The following ZNF208 variants were observed in gnomAD, a reference collection of about 807,000 sequenced individuals.
ZNF208 encodes the protein zinc finger protein 208.
Under a neutral mutation model 12.1 loss-of-function variants are expected in ZNF208, and 10 were observed. The observed-to-expected ratio is 0.83, with a 90% CI of 0.51 to 1.40. The LOEUF is 1.40. Ranked by LOEUF, ZNF208 falls within the 40% of genes most tolerant of loss-of-function variation. The pLI is 0.00. For missense variants in ZNF208, 1,652 were observed against 1,485.0 expected (o/e 1.11, Z -1.85); for synonymous variants, 497 against 488.4 (o/e 1.02, Z -0.23).
At chr19:21,939,941 G>A (rs1391211248) in intron 4 of ZNF208, 1 of 152,150 alleles carries the variant, frequency 6.6e-6, no homozygotes, top group Non-Finnish European at 1.5e-5. Context: ...TAAACTATTG[G>A]TTCTACCTAG....
intron 3 of ZNF208, among the ~76,000 whole-genome samples, chr19:21,978,793 G>T (rs1216907909): frequency 1.3e-5 from 2 of 152,050 alleles, no homozygotes. Context: ...CAAACTAAAG[G>T]AGCATGTTCT....
intron 3 of ZNF208, among the ~76,000 whole-genome samples, chr19:21,978,822 T>G (rs1390505142): frequency 6.6e-6 from 1 of 152,148 alleles, no homozygotes; most frequent in Non-Finnish European, 1.5e-5. Context: ...GCCAGGAAGC[T>G]AAGAACCTTG....
intron 3 of ZNF208, among the ~76,000 whole-genome samples, chr19:21,978,961 C>T (rs369278964): frequency 2.0e-5 from 3 of 151,716 alleles, no homozygotes; most frequent in South Asian, 2.1e-4. Context: ...ATCGATAAAG[C>T]GGAAGAAAGG....
chr19:21,958,146 T>G (rs996593762), intron 4 of ZNF208, among the ~76,000 whole-genome samples: 1 of 150,622 alleles, frequency 6.6e-6, no homozygotes, highest in Non-Finnish European at 1.5e-5. Context: ...ATCCATGTCC[T>G]TAAAGAAGGA....
At chr19:21,993,242 G>A (rs1970773188) in intron 1 of ZNF208, among the ~76,000 whole-genome samples, 1 of 152,082 alleles carries the variant, frequency 6.6e-6, no homozygotes, top group Admixed American at 6.6e-5. Context: ...CCACAGTAAT[G>A]GAAATATGGG....
At chr19:21,995,139 A>G (rs1970810758) in intron 1 of ZNF208, among the ~76,000 whole-genome samples, 1 of 151,884 alleles carries the variant, frequency 6.6e-6, no homozygotes, top group South Asian at 2.1e-4. Flanking sequence ...TTTAGTAGAG[A>G]TGGGATTTCA....
At chr19:21,954,639 C>T (rs905709793) in intron 4 of ZNF208, among the ~76,000 whole-genome samples, 4 of 151,826 alleles carry the variant, frequency 2.6e-5, no homozygotes, top group East Asian at 1.9e-4. Context: ...CTGTTTTATC[C>T]GAGACTAGGA....
chr19:21,966,001 GA>G (rs973391849), downstream of ZNF208: 53 of 151,998 alleles, frequency 3.5e-4, no homozygotes, highest in Non-Finnish European at 1.3e-4. Context: ...ACCTGGTATA[GA>G]AACATTCACC....
At chr19:22,010,037 T>G (rs562098452) in intron 1 of ZNF208, among the ~76,000 whole-genome samples, 1 of 151,924 alleles carries the variant, frequency 6.6e-6, no homozygotes, top group Admixed American at 6.6e-5. Context: ...TACAAAAAAG[T>G]AACCGAGCGT....
chr19:21,974,907 G>T, intron 3 of ZNF208, 100 bp from the exon 4 acceptor site: 1 of 1,349,352 alleles, frequency 7.4e-7, no homozygotes, highest in Middle Eastern at 2.0e-4. Context: ...ACATAAGCAA[G>T]ATGACACTGC....
In ZNF208 at chr19:21,973,650, A is replaced by C. The variant is rs1970357512; in HGVS notation, c.1384T>G (p.Phe462Val). 1 of 1,575,460 alleles carries C rather than the reference A, an allele frequency of 6.3e-7. No homozygotes were observed. The highest frequency in any genetic ancestry group is 1.1e-5 in the South Asian group (1 of 90,614). The part of the protein sequence containing the change: ...PYKCEECGKG[F>V]SMFSILTKHK... ...TTAGTAAGGATTGAGAACATACTAAAGCCTTTGCCACATTCTTCACATTTG... is the reference window on the plus strand; with the variant it reads ...TTAGTAAGGATTGAGAACATACTAACGCCTTTGCCACATTCTTCACATTTG... The change falls in exon 4 of 4, where the codon TTT (phenylalanine) becomes GTT (valine). Residue 462 changes from phenylalanine (F) to valine (V), a missense_variant. By Grantham distance (50) the Phe-to-Val change is conservative (BLOSUM62 -1). Transcript: ENST00000397126.
chr19:21,957,608 C>G (rs374692085), intron 4 of ZNF208, among the ~76,000 whole-genome samples: 1 of 152,126 alleles, frequency 6.6e-6, no homozygotes, highest in Non-Finnish European at 1.5e-5. Context: ...TTAACCAACT[C>G]ACAGGTATTT....
At chr19:21,952,983 T>C (rs1969915975) in intron 4 of ZNF208, among the ~76,000 whole-genome samples, 1 of 152,170 alleles carries the variant, frequency 6.6e-6, no homozygotes, top group African/African-American at 2.4e-5. Flanking sequence ...AATGACCTGA[T>C]GGAGCTGAAA....
rs147587683 is a variant in ZNF208 at position 21,971,982 on chromosome 19, C to G, written c.3052G>C (p.Glu1018Gln). The G allele has an allele frequency of 4.6e-4, 733 of 1,609,506 alleles. 11 individuals are homozygous for G. The East Asian group carries it at 0.014, about 31-fold the overall frequency. The change falls in exon 4 of 4, where the codon GAA becomes CAA. Residue 1018 changes from glutamate (E) to glutamine (Q), a missense_variant. Coordinates refer to ENST00000397126, the MANE Select transcript of ZNF208 (RefSeq NM_007153.3). ...TCTCCAGTGTGAATTTTCTTATGTT[C>G]CATAAGGTTTGATGACCAGTTGAAA... The part of the protein sequence containing the change: ...KAFNWSSNLM[E>Q]HKKIHTGETP...
intron 3 of ZNF208, among the ~76,000 whole-genome samples, chr19:21,976,851 G>A (rs368748595): frequency 6.6e-5 from 10 of 151,976 alleles, no homozygotes; most frequent in African/African-American, 1.2e-4. Context: ...ATGAGCCACC[G>A]TGCCCAGGCT....
Position 21,971,921 on chromosome 19 carries a change from A to C in ZNF208, c.3113T>G (p.Phe1038Cys), listed in dbSNP as rs1970295372. Reference protein sequence around the residue: ...PYKCEECDKAFSWPSSLTEHK... With the variant: ...PYKCEECDKACSWPSSLTEHK... ...TTCAGTAAGGCTTGAGGGCCAGCTG[A>C]AGGCTTTGTCACATTCTTCACATTT... The change falls in exon 4 of 4, where the codon TTC becomes TGC. Residue 1038 changes from phenylalanine (F) to cysteine (C), a missense_variant. Physicochemically the swap from Phe to Cys is radical, Grantham distance 205. Transcript: ENST00000397126. The C allele has an allele frequency of 6.5e-7, 1 of 1,529,650 alleles. No homozygotes were observed. The allele number at this position is 1,529,650 out of a possible 1,614,324, so 94.8% of individuals were successfully genotyped here.
intron 1 of ZNF208, among the ~76,000 whole-genome samples, chr19:22,000,965 C>T (rs1433359746): frequency 6.6e-6 from 1 of 152,022 alleles, no homozygotes; most frequent in Non-Finnish European, 1.5e-5. Flanking sequence ...ACAAACACAT[C>T]CTCCCAAGAC....
Position 21,949,795 on chromosome 19 carries a change from C to G in ZNF208, c.306-16558G>C, listed in dbSNP as rs149222197. On this transcript the variant is annotated intron_variant, in intron 4 of 4. Coordinates refer to the ZNF208 transcript ENST00000599916. ...TGATGGCTAGAGGATGGCCAGCCTG[C>G]CTCTGAGCAGTTTTGGTGATGGCTT... Among the ~76,000 whole-genome samples the G allele has an allele frequency of 2.5e-3, 376 of 152,326 alleles. 2 individuals carry two copies. Among genetic ancestry groups the G allele is most frequent in the African/African-American group, 8.3e-3 (344 of 41,564 alleles).
intron 4 of ZNF208, among the ~76,000 whole-genome samples, chr19:21,948,023 T>C (rs1031695082): frequency 1.3e-5 from 2 of 152,112 alleles, no homozygotes; most frequent in African/African-American, 4.8e-5. Context: ...TCTATGATGG[T>C]GGCTGGGAAC....
Sources: gnomAD v4.1 joint callset for allele counts (sites outside exome capture counted in the v4.1 genomes callset) on GRCh38, gnomAD v4.1.1 for gene constraint, MANE v1.5 for transcripts, NCBI Gene and HGNC (gene_info 2026-07-23, HGNC 2026-07-21) for gene names.